HMGB1: variants seen among roughly 807,000 people sequenced by gnomAD.
The protein encoded by HMGB1 is high mobility group box 1.
For missense variants in HMGB1, 79 were observed against 253.5 expected (o/e 0.31, Z 4.67); for synonymous variants, 81 against 84.0 (o/e 0.96, Z 0.19).
At chr13:30,537,687 A>ATC (rs71684442) in intron 1 of HMGB1, among the ~76,000 whole-genome samples, 11 of 118,890 alleles carry the variant, frequency 9.3e-5, no homozygotes, top group African/African-American at 3.1e-4. Context: ...ATATATATAT[A>ATC]TATATATATA....
At chr13:30,584,061 A>G (rs1016295047) in intron 1 of HMGB1, among the ~76,000 whole-genome samples, 5 of 149,696 alleles carry the variant, frequency 3.3e-5, no homozygotes, top group African/African-American at 9.8e-5. Flanking sequence ...AAAGGAAAAG[A>G]AGAGAGAGAG....
At chr13:30,486,923 C>T (rs1050130522) in intron 1 of HMGB1, among the ~76,000 whole-genome samples, 4 of 152,084 alleles carry the variant, frequency 2.6e-5, no homozygotes, top group African/African-American at 4.8e-5. Flanking sequence ...GGGACTGCAC[C>T]GCATTCCAAA....
intron 1 of HMGB1, among the ~76,000 whole-genome samples, chr13:30,608,708 C>T (rs962738467): frequency 6.6e-6 from 1 of 152,192 alleles, no homozygotes; most frequent in African/African-American, 2.4e-5. Flanking sequence ...GATAGAAAAA[C>T]TCGAATTTTA....
chr13:30,615,674 G>A (rs533606043), intron 1 of HMGB1, among the ~76,000 whole-genome samples: 35 of 151,952 alleles, frequency 2.3e-4, no homozygotes, highest in Middle Eastern at 3.4e-3. Flanking sequence ...TTTTTTATGA[G>A]ACTAAAAAAG....
chr13:30,500,921 C>T (rs1442948860), intron 1 of HMGB1, among the ~76,000 whole-genome samples: 1 of 151,980 alleles, frequency 6.6e-6, no homozygotes, highest in East Asian at 1.9e-4. Context: ...GATTTTCTTG[C>T]CTTGGCCTCC....
intron 1 of HMGB1, chr13:30,464,775 G>GTA (rs1886628895): frequency 4.1e-6 from 1 of 245,032 alleles, no homozygotes; most frequent in Non-Finnish European, 6.4e-6. Context: ...GTGTGTGTGT[G>GTA]TGTGTGTGTG....
At chr13:30,537,447 T>G (rs1182353417) in intron 1 of HMGB1, among the ~76,000 whole-genome samples, 1 of 151,990 alleles carries the variant, frequency 6.6e-6, no homozygotes, top group African/African-American at 2.4e-5. Context: ...AGCCACTACC[T>G]GCTCCTCGTG....
At position 30,530,402 on chromosome 13, in the gene HMGB1, T is replaced by C. The variant is rs78481132; in HGVS notation, c.-14-66708A>G. 8.8e-3 allele frequency among the ~76,000 whole-genome samples: 1,336 copies of C among 152,326 alleles called. 10 individuals are homozygous for C. Among genetic ancestry groups the C allele is most frequent in the Admixed American group, 0.02 (312 of 15,308 alleles). ...GCATTTTGTGTAAAGAATACTCAAC[T>C]TGTGCAGGTAAAAGTGTGTAGGGGA... On this transcript the variant is annotated intron_variant, in intron 1 of 4. Coordinates refer to the HMGB1 transcript ENST00000405805.
intron 1 of HMGB1, among the ~76,000 whole-genome samples, chr13:30,586,047 C>T (rs761557572): frequency 6.6e-6 from 1 of 152,052 alleles, no homozygotes; most frequent in Non-Finnish European, 1.5e-5. Flanking sequence ...CAGCAGACAC[C>T]TCCTGTTTTC....
At chr13:30,549,151 G>T in intron 1 of HMGB1, among the ~76,000 whole-genome samples, 1 of 151,928 alleles carries the variant, frequency 6.6e-6, no homozygotes. Context: ...AAGAAAAATA[G>T]CTGGTCATGC....
At chr13:30,483,617 C>CTTTTTTTTTTTT (rs61395953) in intron 1 of HMGB1, among the ~76,000 whole-genome samples, 2 of 135,890 alleles carry the variant, frequency 1.5e-5, no homozygotes, top group Non-Finnish European at 1.5e-5. Flanking sequence ...GTGCAAATTT[C>CTTTTTTTTTTTT]TTTTTTTTTT....
At chr13:30,465,369 G>A (rs1307750525) in intron 1 of HMGB1, 6 of 138,132 alleles carry the variant, frequency 4.3e-5, no homozygotes, top group Admixed American at 3.5e-4. Flanking sequence ...GCCCGGGGAA[G>A]CGCCGCCGCT....
intron 1 of HMGB1, among the ~76,000 whole-genome samples, chr13:30,497,050 G>A (rs575021296): frequency 6.6e-6 from 1 of 152,208 alleles, no homozygotes; most frequent in Non-Finnish European, 1.5e-5. Context: ...TATAAACTGA[G>A]ACCTTGATCC....
chr13:30,526,970 T>C (rs774296073), intron 1 of HMGB1, among the ~76,000 whole-genome samples: 8 of 152,262 alleles, frequency 5.3e-5, no homozygotes, highest in Non-Finnish European at 8.8e-5. Context: ...TTTCCACACA[T>C]CCTTCTGATG....
At chr13:30,495,833 G>A (rs9578178) in intron 1 of HMGB1, among the ~76,000 whole-genome samples, 51,977 of 151,920 alleles carry the variant, frequency 0.34, 10,094 homozygotes, top group Middle Eastern at 0.5. Flanking sequence ...GATAACTATC[G>A]GTCTTCTTTT....
chr13:30,526,151 G>C (rs1204370025), intron 1 of HMGB1, among the ~76,000 whole-genome samples: 1 of 152,184 alleles, frequency 6.6e-6, no homozygotes, highest in African/African-American at 2.4e-5. Context: ...CCACCTTCCA[G>C]GTTCAAGTGA....
intron 1 of HMGB1, among the ~76,000 whole-genome samples, chr13:30,605,357 C>T (rs1012628958): frequency 6.6e-6 from 1 of 152,098 alleles, no homozygotes; most frequent in Non-Finnish European, 1.5e-5. Flanking sequence ...AGGAACTAAA[C>T]ACAAATTGAG....
At chr13:30,530,032 A>G (rs1204574822) in intron 1 of HMGB1, among the ~76,000 whole-genome samples, 3 of 152,218 alleles carry the variant, frequency 2.0e-5, no homozygotes, top group Non-Finnish European at 4.4e-5. Flanking sequence ...AATGACACCC[A>G]TTATTTCACA....
intron 1 of HMGB1, among the ~76,000 whole-genome samples, chr13:30,551,465 A>G (rs1356707643): frequency 6.6e-6 from 1 of 152,184 alleles, no homozygotes; most frequent in Non-Finnish European, 1.5e-5. Context: ...TGTAACCTTA[A>G]ATACCATAAC....
Sources: gnomAD v4.1 joint callset for allele counts (sites outside exome capture counted in the v4.1 genomes callset) on GRCh38, gnomAD v4.1.1 for gene constraint, MANE v1.5 for transcripts, NCBI Gene and HGNC (gene_info 2026-07-23, HGNC 2026-07-21) for gene names.